Variants in HOATZ observed in about 807,000 individuals in gnomAD.
HOATZ encodes HOATZ cilia and flagella associated protein, also known as cilia- and flagella-associated protein HOATZ.
A neutral mutation model predicts 24.9 loss-of-function variants in HOATZ; 26 were observed. The ratio of observed to expected loss-of-function variants is 1.04; its 90% CI spans 0.76 to 1.45. The LOEUF (loss-of-function observed/expected upper bound fraction) is 1.45, where lower values mean the gene tolerates loss of function less well. HOATZ is among the 40% of genes most tolerant of loss of function. The pLI is 0.00. For synonymous variants in HOATZ, 83 were observed against 76.6 expected (o/e 1.08, Z -0.43); for missense variants, 226 against 201.5 (o/e 1.12, Z -0.74).
Position 111,514,931 on chromosome 11 carries a change from T to C in HOATZ, c.147T>C (p.Pro49=), listed in dbSNP as rs773120631. The part of the protein sequence containing the change: ...QFWISASMYP[P]SESQLVLRRD... ...GGATCTCGGCGTCGATGTATCCCCC[T>C]AGCGAATCTCAGCTGGTGCTGCGCA... Residue 49 remains proline (P), a synonymous_variant, in exon 1 of 6, where the codon CCT becomes CCC. Coordinates refer to ENST00000375618, the MANE Select transcript of HOATZ (RefSeq NM_001100388.2). 12 of 1,614,008 alleles carry C rather than the reference T, an allele frequency of 7.4e-6. No individual in the cohort carries two copies. Among genetic ancestry groups the C allele is most frequent in the Admixed American group, 3.3e-5 (2 of 60,026 alleles).
intron 3 of HOATZ, among the ~76,000 whole-genome samples, chr11:111,531,671 T>G (rs1027108944): frequency 3.3e-5 from 5 of 152,248 alleles, no homozygotes; most frequent in Non-Finnish European, 1.5e-5. Context: ...GTAACTGTGA[T>G]ATATGATGCC....
chr11:111,532,495 C>T (rs1050833529), intron 3 of HOATZ, among the ~76,000 whole-genome samples: 1 of 152,124 alleles, frequency 6.6e-6, no homozygotes, highest in Non-Finnish European at 1.5e-5. Flanking sequence ...AGAGAGAATG[C>T]CATGTGACAA....
chr11:111,533,687 C>T (rs1458195598), intron 3 of HOATZ, 59 bp from the exon 4 acceptor site: 22 of 1,158,992 alleles, frequency 1.9e-5, no homozygotes, highest in Admixed American at 6.1e-5. Flanking sequence ...TTCTACCTTT[C>T]GTAGGCGTAA....
At chr11:111,520,429 T>C (rs916691946) in intron 3 of HOATZ, among the ~76,000 whole-genome samples, 6 of 152,198 alleles carry the variant, frequency 3.9e-5, no homozygotes. Flanking sequence ...AGGGAAAATA[T>C]GCAATCTGCA....
chr11:111,533,749 A>G lies in HOATZ; in HGVS notation c.343A>G (p.Lys115Glu). 7 of 1,589,696 alleles carry G rather than the reference A, an allele frequency of 4.4e-6. No homozygotes were observed. Among genetic ancestry groups the G allele is most frequent in the South Asian group, 1.1e-5 (1 of 88,084 alleles). Residue 115 changes from lysine to glutamate, a missense_variant, in exon 4 of 6, where the codon AAA becomes GAA. Lys to Glu is a moderately conservative substitution (Grantham distance 56). Coordinates refer to ENST00000375618, the MANE Select transcript of HOATZ (RefSeq NM_001100388.2). ...ACTTTTTTCTTTCTTTAAACAGGCT[A>G]AAACAAGAGAAGAGATTCTCCAACT... ...EEKVKYLQKA[K>E]TREEILQLLR...
rs574174170 is a variant in HOATZ, at chr11:111,527,255, AT to A, written c.340-6484del. Among the ~76,000 whole-genome samples, 699 of 152,288 alleles carry A rather than the reference AT, an allele frequency of 4.6e-3. 8 individuals are homozygous for A. The highest frequency in any genetic ancestry group is 0.016 in the African/African-American group (657 of 41,554). ...ATGTAACAGAACCAAGAAAATACAC[AT>A]TTTTTTCTTCCTCACAACAGATAAA... On this transcript the variant is annotated intron_variant, in intron 3 of 5. Coordinates refer to ENST00000375618, the MANE Select transcript of HOATZ (RefSeq NM_001100388.2).
chr11:111,525,012 G>A (rs771307260), intron 3 of HOATZ: 11 of 359,204 alleles, frequency 3.1e-5, no homozygotes, highest in African/African-American at 2.2e-5. Context: ...GGGACTACAG[G>A]TGCACACCAT....
intron 2 of HOATZ, 79 bp from the exon 3 acceptor site, chr11:111,515,961 C>T: frequency 1.0e-6 from 1 of 953,108 alleles, no homozygotes; most frequent in African/African-American, 1.7e-5. Flanking sequence ...CCTTTCAACC[C>T]ATGTCCAATT....
chr11:111,525,706 G>A (rs1867331787), intron 3 of HOATZ, among the ~76,000 whole-genome samples: 3 of 152,202 alleles, frequency 2.0e-5, no homozygotes, highest in Admixed American at 2.0e-4. Context: ...TTATTTGGAA[G>A]AATTGTGCAA....
In HOATZ at chr11:111,525,086, G is replaced by C. The variant is rs142431643; in HGVS notation, c.340-8660G>C. 1,737 of 267,544 alleles carry C rather than the reference G, an allele frequency of 6.5e-3. 36 individuals are homozygous for C. The highest frequency in any genetic ancestry group is 0.037 in the African/African-American group (1,587 of 43,214). 16.6% of individuals were successfully genotyped at this position (267,544 alleles called of 1,614,324 possible). On this transcript the variant is annotated intron_variant, in intron 3 of 5. Coordinates refer to ENST00000375618, the MANE Select transcript of HOATZ (RefSeq NM_001100388.2). ...GGGTTTTGCCATGTTGCCCAGGCTG[G>C]TCTTGAACTCTTGAGCTCAAGCGAT...
At chr11:111,526,395 T>TGTGAATTAGGATCATGCAGGTAG (rs1867339351) in intron 3 of HOATZ, among the ~76,000 whole-genome samples, 1 of 152,150 alleles carries the variant, frequency 6.6e-6, no homozygotes, top group Non-Finnish European at 1.5e-5. Context: ...GGTGATGCGA[T>TGTGAATTAGGATCATGCAGGTAG]GTGAATTAGG....
intron 3 of HOATZ, among the ~76,000 whole-genome samples, chr11:111,522,655 C>T (rs974726311): frequency 3.9e-5 from 6 of 152,100 alleles, no homozygotes; most frequent in African/African-American, 1.4e-4. Flanking sequence ...TGACTCTTCC[C>T]AAGCCACTTG....
chr11:111,519,500 A>G (rs976361763), intron 3 of HOATZ, among the ~76,000 whole-genome samples: 5 of 151,998 alleles, frequency 3.3e-5, no homozygotes, highest in African/African-American at 1.2e-4. Context: ...GCTTTATCTC[A>G]TGGGTTATGG....
At chr11:111,525,870 G>A in intron 3 of HOATZ, among the ~76,000 whole-genome samples, 1 of 152,200 alleles carries the variant, frequency 6.6e-6, no homozygotes, top group East Asian at 1.9e-4. Flanking sequence ...CAGTGTTCTT[G>A]GGGCAAATGG....
chr11:111,536,643 C>A, intron 5 of HOATZ, 127 bp from the exon 6 acceptor site: 1 of 738,168 alleles, frequency 1.4e-6, no homozygotes, highest in Non-Finnish European at 2.4e-6. Context: ...GGTTGCAAAA[C>A]CCAACACATA....
At chr11:111,518,627 T>C (rs1325514248) in intron 3 of HOATZ, among the ~76,000 whole-genome samples, 1 of 152,192 alleles carries the variant, frequency 6.6e-6, no homozygotes, top group African/African-American at 2.4e-5. Context: ...ATGAAATTAA[T>C]CCCATAATAG....
intron 5 of HOATZ, chr11:111,535,061 G>A (rs1271019375): frequency 6.6e-6 from 1 of 152,016 alleles, no homozygotes; most frequent in Non-Finnish European, 1.5e-5. Context: ...AAACCAATGT[G>A]GCCAACTCAA....
At chr11:111,529,236 A>AG (rs1867370282) in intron 3 of HOATZ, among the ~76,000 whole-genome samples, 1 of 152,222 alleles carries the variant, frequency 6.6e-6, no homozygotes, top group African/African-American at 2.4e-5. Context: ...TTTGACTAAA[A>AG]GGGTAACTCT....
intron 4 of HOATZ, 25 bp downstream of exon 4, chr11:111,533,830 G>A (rs538896697): frequency 1.3e-6 from 2 of 1,527,582 alleles, no homozygotes; most frequent in South Asian, 1.3e-5. Context: ...GAGGCATTTG[G>A]ATAATCTATC....
Sources: gnomAD v4.1 joint callset for allele counts (sites outside exome capture counted in the v4.1 genomes callset) on GRCh38, gnomAD v4.1.1 for gene constraint, MANE v1.5 for transcripts, NCBI Gene and HGNC (gene_info 2026-07-23, HGNC 2026-07-21) for gene names.